Variants in PDZD4 observed in about 807,000 individuals in gnomAD.
PDZD4 encodes the protein PDZ domain containing 4.
PDZD4 carries 9 observed loss-of-function variants against 38.5 expected under a neutral mutation model. The observed-to-expected ratio is 0.23, with a 90% confidence interval of 0.14 to 0.41. The LOEUF (loss-of-function observed/expected upper bound fraction) is 0.41, where lower values mean the gene tolerates loss of function less well. Among genes scored for constraint, PDZD4 ranks in the 10% least tolerant of loss-of-function variants. The pLI, the probability that PDZD4 is intolerant of heterozygous loss-of-function variation, is 1.00. For synonymous variants in PDZD4, 349 were observed against 315.7 expected (o/e 1.11, Z -1.12); for missense variants, 612 against 722.0 (o/e 0.85, Z 1.75).
chrX:153,808,408 G>A lies in PDZD4; in HGVS notation c.248C>T (p.Ala83Val). ...GGTGGGCGGACGCAGCTTGCCCAGC[G>A]CCATGATATGCTCGAAGGTGATGTC... ...QTDITFEHIM[A>V]LGKLRPPTPP... Residue 83 changes from alanine (A) to valine (V), a missense_variant, in exon 2 of 8, where the codon GCG becomes GTG. This residue lies in a region of PDZD4 where 225 missense variants were observed against 311.0 expected (regional missense o/e 0.72). Transcript: ENST00000393758. 3.3e-6 allele frequency: 4 copies of A among 1,211,172 alleles called. No individual in the cohort carries two copies. Among genetic ancestry groups the A allele is most frequent in the East Asian group, 3.0e-5 (1 of 33,833 alleles).
chrX:153,820,837 G>A (rs782349681), intron 1 of PDZD4, among the ~76,000 whole-genome samples: 2 of 111,581 alleles, frequency 1.8e-5, no homozygotes, highest in South Asian at 3.8e-4. Flanking sequence ...CACTGTTGGG[G>A]AGGCTGTTTG....
In PDZD4 at chrX:153,803,254, C is replaced by T. The variant is rs1456700823; in HGVS notation, c.*99G>A. The T allele has an allele frequency of 8.0e-6, 5 of 628,276 alleles. No homozygotes were observed. The East Asian group carries it at 1.2e-4, about 15-fold the overall frequency. 51.8% of individuals were successfully genotyped at this position (628,276 alleles called of 1,213,427 possible). ...TGTGTGCGTGCGCACAGCGAGCACGCGCGCGCGCACACACACACACACACA... is the reference window on the plus strand; with the variant it reads ...TGTGTGCGTGCGCACAGCGAGCACGTGCGCGCGCACACACACACACACACA... On this transcript the variant is annotated 3_prime_UTR_variant, in exon 8 of 8. Coordinates refer to ENST00000393758, the MANE Select transcript of PDZD4 (RefSeq NM_001303512.2).
chrX:153,822,621 C>CTT (rs1201625128), intron 1 of PDZD4, among the ~76,000 whole-genome samples: 2 of 93,838 alleles, frequency 2.1e-5, no homozygotes, highest in Non-Finnish European at 4.2e-5. Flanking sequence ...TCTGTTTTTT[C>CTT]TTTCTCTCTC....
At position 153,804,665 on chromosome X, in the gene PDZD4, G is replaced by C. The variant is rs2092203646; in HGVS notation, c.1016C>G (p.Ser339Cys). Residue 339 changes from serine (S) to cysteine (C), a missense_variant, in exon 8 of 8, where the codon TCT (serine) becomes TGT (cysteine). Coordinates refer to ENST00000393758, the MANE Select transcript of PDZD4 (RefSeq NM_001303512.2). ...CAGCCCCGCCCCCTCGGCCAGCAGA[G>C]AGTCCATGCTGAAATGGAAGTCCCG... ...QSRDFHFSMD[S>C]LLAEGAGLGG... 8.3e-7 allele frequency: 1 copy of C among 1,207,551 alleles called. No individual in the cohort carries two copies. Among genetic ancestry groups the C allele is most frequent in the Admixed American group, 2.2e-5 (1 of 45,874 alleles).
Position 153,806,827 on chromosome X carries a change from T to C in PDZD4, c.419A>G (p.Tyr140Cys), listed in dbSNP as rs1422656256. Reference sequence around the variant, plus strand: ...CAGCTTGTCCCGGTGGCTGCTTTTATACAGCTCCACCTCCTGCCACGAGGG... The same window carrying C: ...CAGCTTGTCCCGGTGGCTGCTTTTACACAGCTCCACCTCCTGCCACGAGGG... ...DELEYEEVEL[Y>C]KSSHRDKLGL... Residue 140 changes from tyrosine (Y) to cysteine (C), a missense_variant, in exon 4 of 8, where the codon TAT becomes TGT. Around this residue, in one of 3 missense-constraint regions of PDZD4, gnomAD observed 225 missense variants for 311.0 expected, o/e 0.72. Transcript: ENST00000393758. 1.7e-6 allele frequency: 2 copies of C among 1,208,648 alleles called. No individual in the cohort carries two copies. The highest frequency in any genetic ancestry group is 2.2e-6 in the Non-Finnish European group (2 of 894,253).
chrX:153,803,754 C>T lies in PDZD4; in HGVS notation c.1927G>A (p.Ala643Thr), dbSNP rs868949591. ...KVRSDGTRYV[A>T]KRPVRDRLLK... ...AGCCGATCTCGCACGGGCCGCTTGGCCACGTAGCGGGTTCCGTCGCTGCGC... is the reference window on the plus strand; with the variant it reads ...AGCCGATCTCGCACGGGCCGCTTGGTCACGTAGCGGGTTCCGTCGCTGCGC... Residue 643 changes from alanine to threonine, a missense_variant, in exon 8 of 8, where the codon GCC becomes ACC. Transcript: ENST00000393758. 2 of 1,209,089 alleles carry T rather than the reference C, an allele frequency of 1.7e-6. No homozygotes were observed. Among genetic ancestry groups the T allele is most frequent in the Non-Finnish European group, 1.1e-6 (1 of 895,448 alleles).
At chrX:153,826,184 T>A (rs1368302448) in intron 1 of PDZD4, among the ~76,000 whole-genome samples, 1 of 91,786 alleles carries the variant, frequency 1.1e-5, no homozygotes, top group Non-Finnish European at 2.1e-5. Context: ...ACCACTGCAC[T>A]CCAGTCTGGG....
intron 1 of PDZD4, among the ~76,000 whole-genome samples, chrX:153,822,051 G>A (rs1173038631): frequency 1.8e-5 from 2 of 109,861 alleles, no homozygotes; most frequent in Non-Finnish European, 3.8e-5. Flanking sequence ...TTAGCCAGGC[G>A]TGGTGGCAGG....
chrX:153,805,260 CCTT>C, intron 6 of PDZD4, 53 bp from the exon 7 acceptor site: 2 of 1,047,804 alleles, frequency 1.9e-6, no homozygotes, highest in Non-Finnish European at 2.7e-6. Flanking sequence ...CCCCATATAC[CCTT>C]CTTGTCTGCT....
chrX:153,803,723 T>C lies in PDZD4; in HGVS notation c.1958A>G (p.Lys653Arg). The C allele has an allele frequency of 8.3e-7, 1 of 1,209,976 alleles. No homozygotes were observed. Among genetic ancestry groups the C allele is most frequent in the Non-Finnish European group, 1.1e-6 (1 of 895,509 alleles). The change falls in exon 8 of 8, where the codon AAA becomes AGA. Residue 653 changes from lysine (K) to arginine (R), a missense_variant. Transcript: ENST00000393758. ...AKRPVRDRLLKARALKIREER... is the reference protein window; with the variant it reads ...AKRPVRDRLLRARALKIREER... Reference sequence around the variant, plus strand: ...CTCCCGGATCTTCAGGGCACGGGCTTTCAGCAGCCGATCTCGCACGGGCCG... The same window carrying C: ...CTCCCGGATCTTCAGGGCACGGGCTCTCAGCAGCCGATCTCGCACGGGCCG...
At chrX:153,823,029 A>G (rs2064442414) in intron 1 of PDZD4, among the ~76,000 whole-genome samples, 1 of 110,147 alleles carries the variant, frequency 9.1e-6, no homozygotes, top group East Asian at 2.8e-4. Context: ...GGCCTTCTCC[A>G]TATAATTTCC....
intron 2 of PDZD4, 49 bp from the exon 3 acceptor site, chrX:153,807,418 C>G: frequency 9.0e-7 from 1 of 1,113,251 alleles, no homozygotes; most frequent in Non-Finnish European, 1.2e-6. Context: ...CCTCTCACAC[C>G]TCAGCCCCAG....
chrX:153,803,689 G>A lies in PDZD4; in HGVS notation c.1992C>T (p.Ser664=), dbSNP rs2092190540. 2.5e-6 allele frequency: 3 copies of A among 1,209,309 alleles called. No homozygotes were observed. The highest frequency in any genetic ancestry group is 3.5e-5 in the African/African-American group (2 of 57,644). ...ARALKIREER[S]GMTTDDDAVS... ...CCGCGTCGTCGTCGGTCGTCATACC[G>A]CTGCGCTCCTCCCGGATCTTCAGGG... Residue 664 remains serine (S), a synonymous_variant, in exon 8 of 8, where the codon AGC becomes AGT. Coordinates refer to ENST00000393758, the MANE Select transcript of PDZD4 (RefSeq NM_001303512.2).
chrX:153,820,026 G>A (rs1431077579), intron 1 of PDZD4, among the ~76,000 whole-genome samples: 2 of 111,586 alleles, frequency 1.8e-5, no homozygotes, highest in Non-Finnish European at 3.8e-5. Context: ...CAGCTGTCCC[G>A]CTAACACCCT....
chrX:153,827,441 G>A (rs1188215834), intron 1 of PDZD4, among the ~76,000 whole-genome samples: 1 of 112,301 alleles, frequency 8.9e-6, no homozygotes, highest in East Asian at 2.8e-4. Context: ...TCACAGCAGC[G>A]CTATTCACAA....
rs186731784 is a variant in PDZD4 at position 153,814,412 on chromosome X, T to G, written c.61-5817A>C. 6.5e-5 allele frequency among the ~76,000 whole-genome samples: 7 copies of G among 108,064 alleles called. No homozygotes were observed. The South Asian group carries it at 1.7e-3, about 26-fold the overall frequency. 93.8% of individuals were successfully genotyped at this position (108,064 alleles called of 115,157 possible). On this transcript the variant is annotated intron_variant, in intron 1 of 7. Coordinates refer to ENST00000393758, the MANE Select transcript of PDZD4 (RefSeq NM_001303512.2). Reference sequence around the variant, plus strand: ...TCACTTGAACCTGGGAGGTGGAGGCTGCAGTGAGCTGAGATTGCACCACTG... The same window carrying G: ...TCACTTGAACCTGGGAGGTGGAGGCGGCAGTGAGCTGAGATTGCACCACTG...
chrX:153,808,496 G>A lies in PDZD4; in HGVS notation c.160C>T (p.Pro54Ser), dbSNP rs2064277857. The A allele has an allele frequency of 5.8e-6, 7 of 1,210,685 alleles. No individual in the cohort carries two copies. Among genetic ancestry groups the A allele is most frequent in the Non-Finnish European group, 7.8e-6 (7 of 895,082 alleles). ...CAGGAGCTGTCCCCCCGGAGGCGGGGGCTGCGTCTCAGCACCTGGATCACC... is the reference window on the plus strand; with the variant it reads ...CAGGAGCTGTCCCCCCGGAGGCGGGAGCTGCGTCTCAGCACCTGGATCACC... ...PLVIQVLRRS[P>S]RLRGDSSCHD... is the part of the protein sequence containing the mutation. Residue 54 changes from proline (P) to serine (S), a missense_variant, in exon 2 of 8, where the codon CCC becomes TCC. Transcript: ENST00000393758.
intron 4 of PDZD4, among the ~76,000 whole-genome samples, 157 bp from the exon 5 acceptor site, chrX:153,806,290 G>C (rs2064248910): frequency 1.8e-5 from 2 of 112,148 alleles, no homozygotes; most frequent in African/African-American, 3.2e-5. Context: ...CTGTGGAGTA[G>C]TCACCTCTCC....
At position 153,808,543 on chromosome X, in the gene PDZD4, A is replaced by G. The variant is rs1557078045; in HGVS notation, c.113T>C (p.Leu38Pro). 2 of 1,199,342 alleles carry G rather than the reference A, an allele frequency of 1.7e-6. No homozygotes were observed. Among genetic ancestry groups the G allele is most frequent in the Admixed American group, 4.5e-5 (2 of 44,441 alleles). Residue 38 changes from leucine to proline, a missense_variant, in exon 2 of 8, where the codon CTG becomes CCG. Coordinates refer to ENST00000393758, the MANE Select transcript of PDZD4 (RefSeq NM_001303512.2). ...KLSQEQTLQA[L>P]RSSKEPLVIQ... Reference sequence around the variant, plus strand: ...CACCAGGGGCTCCTTGGAGGAGCGCAGGGCCTGCAGAGTTTGCTCCTGAGA... The same window carrying G: ...CACCAGGGGCTCCTTGGAGGAGCGCGGGGCCTGCAGAGTTTGCTCCTGAGA...
Sources: gnomAD v4.1 joint callset for allele counts (sites outside exome capture counted in the v4.1 genomes callset) on GRCh38, gnomAD v4.1.1 for gene constraint, gnomAD v4.1.1 regional missense constraint, MANE v1.5 for transcripts, NCBI Gene and HGNC (gene_info 2026-07-23, HGNC 2026-07-21) for gene names.